The following PLCG2 variants were observed in gnomAD, a reference collection of about 807,000 sequenced individuals.
PLCG2 encodes the protein 1-phosphatidylinositol 4,5-bisphosphate phosphodiesterase gamma-2.
Under a neutral mutation model 175.6 loss-of-function variants are expected in PLCG2, and 69 were observed. The ratio of observed to expected loss-of-function variants is 0.39; its 90% CI spans 0.32 to 0.48. The LOEUF is 0.48. PLCG2 is among the 20% of genes least tolerant of loss of function. PLCG2 has a pLI of 0.91. For missense variants in PLCG2, 1,798 were observed against 1,650.9 expected, an observed-to-expected ratio of 1.09 and a Z score of -1.54; for synonymous variants, 827 against 624.0, an observed-to-expected ratio of 1.33 and a Z score of -4.85.
chr16:81,827,502 T>C (rs1905092803), intron 2 of PLCG2, among the ~76,000 whole-genome samples: 1 of 152,068 alleles, frequency 6.6e-6, no homozygotes, highest in Non-Finnish European at 1.5e-5. Flanking sequence ...ATTTATTTCT[T>C]TAAAATCCTA....
At chr16:81,778,792 T>C (rs564436587), upstream of PLCG2, among the ~76,000 whole-genome samples, 18 of 150,166 alleles carry the variant, frequency 1.2e-4, no homozygotes, top group East Asian at 3.5e-3. Flanking sequence ...CGGGTAATTG[T>C]GAAGAGTATA....
chr16:81,795,761 G>T (rs1395157229), intron 2 of PLCG2, among the ~76,000 whole-genome samples: 1 of 151,884 alleles, frequency 6.6e-6, no homozygotes, highest in Non-Finnish European at 1.5e-5. Flanking sequence ...GTACAGTGGT[G>T]TGATCACAGC....
At position 81,793,962 on chromosome 16, in the gene PLCG2, G is replaced by A. The variant is rs138489612; in HGVS notation, c.193+7780G>A. On this transcript the variant is annotated intron_variant, in intron 2 of 32. Transcript: ENST00000564138. ...TCTTCTCCTAAATGATCTCAAAGAC[G>A]TATCAGATCTGTGTGTCATAAACAC... Among the ~76,000 whole-genome samples the A allele has an allele frequency of 6.8e-3, 1,040 of 152,296 alleles. 4 individuals are homozygous for A. The highest frequency in any genetic ancestry group is 0.014 in the Middle Eastern group (4 of 294).
rs77698337 is a variant in PLCG2 at position 81,922,730 on chromosome 16, G to C, written c.2308-755G>C. On this transcript the variant is annotated intron_variant, in intron 21 of 32. Transcript: ENST00000564138. Reference sequence around the variant, plus strand: ...CCATTTCCTTTGGGTGGGAGGAGAAGGAAGCTGCTCATTTAAACAGGTTTG... The same window carrying C: ...CCATTTCCTTTGGGTGGGAGGAGAACGAAGCTGCTCATTTAAACAGGTTTG... Among the ~76,000 whole-genome samples the C allele has an allele frequency of 1.7e-4, 26 of 152,316 alleles. 2 individuals are homozygous for C. The East Asian group carries it at 4.8e-3, about 28-fold the overall frequency.
Position 81,802,424 on chromosome 16 carries a change from A to G in PLCG2, c.193+16242A>G, listed in dbSNP as rs547084863. 7.6e-4 allele frequency among the ~76,000 whole-genome samples: 114 copies of G among 150,588 alleles called. 1 individual carries two copies. The highest frequency in any genetic ancestry group is 1.3e-3 in the Non-Finnish European group (87 of 67,734). ...ACCGCGCCCGGCCTCAGGTGGGTAC[A>G]GTCTTATTCATGTCTGTACTTCCAG... On this transcript the variant is annotated intron_variant, in intron 2 of 32. Coordinates refer to ENST00000564138, the MANE Select transcript of PLCG2 (RefSeq NM_002661.5).
chr16:81,916,269 A>G (rs1323859498), intron 19 of PLCG2, among the ~76,000 whole-genome samples: 1 of 149,910 alleles, frequency 6.7e-6, no homozygotes, highest in African/African-American at 2.5e-5. Flanking sequence ...TTTTTTTTCA[A>G]AAGACTGGAA....
intron 7 of PLCG2, among the ~76,000 whole-genome samples, chr16:81,875,885 A>T (rs1236758678): frequency 1.3e-5 from 2 of 152,104 alleles, no homozygotes; most frequent in Non-Finnish European, 2.9e-5. Context: ...GTGAGTGATG[A>T]GCGTTCTGTG....
chr16:81,927,907 G>C (rs1205157238), intron 23 of PLCG2, among the ~76,000 whole-genome samples: 2 of 152,206 alleles, frequency 1.3e-5, no homozygotes, highest in Non-Finnish European at 2.9e-5. Context: ...GGCTGAGGCA[G>C]AGACTGGAAG....
At chr16:81,949,289 C>T (rs1488979730) in intron 31 of PLCG2, among the ~76,000 whole-genome samples, 2 of 152,144 alleles carry the variant, frequency 1.3e-5, no homozygotes, top group South Asian at 2.1e-4. Context: ...CACTTGGTTG[C>T]AGGTGAGATG....
At chr16:81,944,387 A>G (rs995852034) in intron 30 of PLCG2, among the ~76,000 whole-genome samples, 1 of 152,180 alleles carries the variant, frequency 6.6e-6, no homozygotes, top group Non-Finnish European at 1.5e-5. Flanking sequence ...CAGTATTTAT[A>G]TTGTCTTGGG....
At chr16:81,943,967 C>A (rs1489675282) in intron 30 of PLCG2, among the ~76,000 whole-genome samples, 1 of 152,178 alleles carries the variant, frequency 6.6e-6, no homozygotes, top group Non-Finnish European at 1.5e-5. Context: ...TTCTGTGTCC[C>A]ATGGGCTCAT....
intron 20 of PLCG2, among the ~76,000 whole-genome samples, 170 bp downstream of exon 20, chr16:81,919,834 G>A (rs886390311): frequency 2.6e-5 from 4 of 152,218 alleles, no homozygotes; most frequent in African/African-American, 9.7e-5. Flanking sequence ...GCTGCTTATA[G>A]TGTAGTGTTG....
At chr16:81,770,285 C>T (rs76179628) in intron 2 of PLCG2, among the ~76,000 whole-genome samples, 2,629 of 152,252 alleles carry the variant, frequency 0.017, 68 homozygotes, top group African/African-American at 0.059. Flanking sequence ...ACCGTTCTGA[C>T]TACTAGCAGC....
At chr16:81,945,042 G>C (rs1053125559) in intron 30 of PLCG2, among the ~76,000 whole-genome samples, 1 of 152,166 alleles carries the variant, frequency 6.6e-6, no homozygotes, top group African/African-American at 2.4e-5. Flanking sequence ...TATATACCAT[G>C]TCCATACAGA....
chr16:81,935,812 C>A, intron 26 of PLCG2: 1 of 985,288 alleles, frequency 1.0e-6, no homozygotes, highest in African/African-American at 1.7e-5. Flanking sequence ...TCTGGATCTT[C>A]CCCTCCCAAG....
intron 2 of PLCG2, among the ~76,000 whole-genome samples, chr16:81,813,965 C>A (rs771648036): frequency 6.6e-6 from 1 of 152,178 alleles, no homozygotes; most frequent in African/African-American, 2.4e-5. Flanking sequence ...TTGTGGCTAT[C>A]GTGAATCCAC....
Position 81,910,392 on chromosome 16 carries a change from C to T in PLCG2, c.1734-128C>T, listed in dbSNP as rs929253770. The T allele has an allele frequency of 1.1e-5, 9 of 808,574 alleles. 1 individual carries two copies. The highest frequency in any genetic ancestry group is 3.2e-5 in the South Asian group (2 of 63,280). The allele number at this position is 808,574 out of a possible 1,614,324, so 50.1% of individuals were successfully genotyped here. A position where few individuals can be genotyped will look rare whatever the true frequency, so the allele number is the denominator to read the frequency against. ...AGGCATGAGCCACTGCGCCCAGCCT[C>T]CTGTGTCTGTTCTAGGAGCAGAGGG... On this transcript the variant is annotated intron_variant, in intron 17 of 32. Transcript: ENST00000564138.
chr16:81,953,136 C>T (rs1383861446), intron 31 of PLCG2, among the ~76,000 whole-genome samples: 2 of 152,088 alleles, frequency 1.3e-5, no homozygotes, highest in African/African-American at 2.4e-5. Flanking sequence ...TAGTATTCTT[C>T]CAAAGTGTCC....
chr16:81,881,120 G>T (rs1405875027), intron 8 of PLCG2, among the ~76,000 whole-genome samples, 167 bp downstream of exon 8: 1 of 152,254 alleles, frequency 6.6e-6, no homozygotes, highest in Non-Finnish European at 1.5e-5. Context: ...CGTGGATAGA[G>T]ATGAGCAGTA....
Sources: allele counts gnomAD v4.1 joint callset (sites outside exome capture counted in the v4.1 genomes callset), GRCh38; gene constraint gnomAD v4.1.1; transcripts MANE v1.5; gene names NCBI Gene and HGNC (gene_info 2026-07-23, HGNC 2026-07-21).